The following TASOR variants were observed in gnomAD, a reference collection of about 807,000 sequenced individuals.
TASOR encodes protein TASOR.
In TASOR, 53 loss-of-function variants were observed where a neutral mutation model predicts 178.6. The ratio of observed to expected loss-of-function variants is 0.30; its 90% CI spans 0.24 to 0.37. The LOEUF (loss-of-function observed/expected upper bound fraction) is 0.37, where lower values mean the gene tolerates loss of function less well. Among genes scored for constraint, TASOR ranks in the 10% least tolerant of loss-of-function variants. The probability of loss-of-function intolerance (pLI) is 1.00; values close to 1 mark genes in which losing one functional copy is unlikely to be tolerated. For missense variants in TASOR, 1,815 were observed against 1,971.4 expected (o/e 0.92, Z 1.50); for synonymous variants, 713 against 696.2 (o/e 1.02, Z -0.38).
At chr3:56,625,591 G>A (rs2317245) in intron 21 of TASOR, among the ~76,000 whole-genome samples, 49,092 of 152,100 alleles carry the variant, frequency 0.32, 8,406 homozygotes, top group East Asian at 0.49. Context: ...AGGTTGCAGT[G>A]AGCTGAGACT....
At chr3:56,641,909 G>C (rs1400433407) in intron 14 of TASOR, among the ~76,000 whole-genome samples, 157 bp from the exon 15 acceptor site, 4 of 152,132 alleles carry the variant, frequency 2.6e-5, no homozygotes, top group Non-Finnish European at 4.4e-5. Context: ...TTTACAAAAA[G>C]AATTGTAAAA....
At chr3:56,682,646 G>C (rs1328745159) in intron 1 of TASOR, 30 bp downstream of exon 1, 3 of 1,434,416 alleles carry the variant, frequency 2.1e-6, no homozygotes, top group Non-Finnish European at 2.8e-6. Flanking sequence ...GGGAGAGAGA[G>C]AGGGGGTTGA....
chr3:56,679,196 T>A (rs2031584251), intron 1 of TASOR, among the ~76,000 whole-genome samples: 1 of 152,230 alleles, frequency 6.6e-6, no homozygotes, highest in African/African-American at 2.4e-5. Context: ...TCCATCCATT[T>A]GTTCTTCACA....
intron 2 of TASOR, 115 bp from the exon 3 acceptor site, chr3:56,671,807 C>A: frequency 1.4e-6 from 1 of 703,288 alleles, no homozygotes; most frequent in South Asian, 2.0e-5. Context: ...AAAATAATCT[C>A]TATCTCTCTA....
intron 16 of TASOR, among the ~76,000 whole-genome samples, chr3:56,639,506 T>C (rs992483179): frequency 2.0e-5 from 3 of 152,238 alleles, no homozygotes; most frequent in Non-Finnish European, 4.4e-5. Context: ...TTCTCTAAGA[T>C]AATCCAATTT....
In TASOR at chr3:56,675,312, G is replaced by A. The variant is rs548207689; in HGVS notation, c.332-1587C>T. 1.2e-4 allele frequency among the ~76,000 whole-genome samples: 18 copies of A among 152,046 alleles called. 1 individual carries two copies. The highest frequency in any genetic ancestry group is 2.9e-5 in the Non-Finnish European group (2 of 67,978). Reference sequence around the variant, plus strand: ...CTGCCTCAGTCTTCCAACTAGCTGGGATTACAGATGCCTGCTACCACGCCC... The same window carrying A: ...CTGCCTCAGTCTTCCAACTAGCTGGAATTACAGATGCCTGCTACCACGCCC... On this transcript the variant is annotated intron_variant, in intron 1 of 23. Transcript: ENST00000683822.
In TASOR at chr3:56,646,824, T is replaced by C. The variant is rs1430307819; in HGVS notation, c.1913A>G (p.Tyr638Cys). 2 of 1,611,706 alleles carry C rather than the reference T, an allele frequency of 1.2e-6. No homozygotes were observed. Among genetic ancestry groups the C allele is most frequent in the Non-Finnish European group, 8.5e-7 (1 of 1,179,528 alleles). The change falls in exon 14 of 24, where the codon TAT (tyrosine) becomes TGT (cysteine). Residue 638 changes from tyrosine to cysteine, a missense_variant. Around this residue, in one of 5 missense-constraint regions of TASOR, gnomAD observed 504 missense variants for 645.3 expected, o/e 0.78. Coordinates refer to ENST00000683822, the MANE Select transcript of TASOR (RefSeq NM_001365635.2). ...ATTCATTTCTTCTTCTTGACCTTCA[T>C]AATCTGAAAGTGGACTAAACTGCTG... ...KLQQFSPLSD[Y>C]EGQEEEMNGT...
Position 56,683,073 on chromosome 3 carries a change from G to A in TASOR, c.-67C>T. 1.4e-6 allele frequency: 2 copies of A among 1,423,044 alleles called. No homozygotes were observed. The highest frequency in any genetic ancestry group is 9.2e-7 in the Non-Finnish European group (1 of 1,081,684). 88.2% of individuals were successfully genotyped at this position (1,423,044 alleles called of 1,614,324 possible). On this transcript the variant is annotated 5_prime_UTR_variant, in exon 1 of 24. Coordinates refer to ENST00000683822, the MANE Select transcript of TASOR (RefSeq NM_001365635.2). ...GTCGACGGGTGTGGGGGGAAGGGGC[G>A]GCGGGCCAGTCTCGCCGCCGAGCTG...
chr3:56,649,324 T>C (rs2077301459), intron 11 of TASOR, among the ~76,000 whole-genome samples: 2 of 152,152 alleles, frequency 1.3e-5, no homozygotes, highest in African/African-American at 4.8e-5. Flanking sequence ...CGTTAATTTT[T>C]CCCTGAAGCT....
intron 17 of TASOR, 121 bp from the exon 18 acceptor site, chr3:56,634,087 G>T: frequency 1.3e-6 from 1 of 787,336 alleles, no homozygotes. Context: ...TATATTAGAA[G>T]GTAAAATAAA....
At chr3:56,666,211 TGTA>T in intron 7 of TASOR, 46 bp downstream of exon 7, 1 of 1,428,400 alleles carries the variant, frequency 7.0e-7, no homozygotes, top group East Asian at 2.7e-5. Flanking sequence ...GTACAGGATC[TGTA>T]GTAGAATTAT....
Position 56,683,097 on chromosome 3 carries a change from T to A in TASOR, c.-91A>T. The A allele has an allele frequency of 7.3e-7, 1 of 1,363,024 alleles. No individual in the cohort carries two copies. The highest frequency in any genetic ancestry group is 9.7e-7 in the Non-Finnish European group (1 of 1,029,864). The allele number at this position is 1,363,024 out of a possible 1,614,324, so 84.4% of individuals were successfully genotyped here. On this transcript the variant is annotated 5_prime_UTR_variant, in exon 1 of 24. Transcript: ENST00000683822. ...CGGCGGGCCAGTCTCGCCGCCGAGC[T>A]GCTCTCAGCCCACCCACCCCCTTCC...
At chr3:56,623,909 C>G in intron 23 of TASOR, 1 of 1,307,206 alleles carries the variant, frequency 7.6e-7, no homozygotes, top group East Asian at 2.6e-5. Flanking sequence ...TGACATCTAG[C>G]TTCACTGGAT....
chr3:56,663,401 C>T (rs1315248504), intron 8 of TASOR, 140 bp downstream of exon 8: 1 of 404,892 alleles, frequency 2.5e-6, no homozygotes, highest in African/African-American at 2.1e-5. Flanking sequence ...CTTGGACAAC[C>T]AAATGCGCTG....
intron 8 of TASOR, among the ~76,000 whole-genome samples, chr3:56,662,974 T>C (rs970663950): frequency 6.6e-6 from 1 of 151,862 alleles, no homozygotes; most frequent in African/African-American, 2.4e-5. Context: ...AGGTTAGGAG[T>C]TCGAGACCAG....
chr3:56,638,502 C>T (rs2077060675), intron 17 of TASOR, among the ~76,000 whole-genome samples: 1 of 152,038 alleles, frequency 6.6e-6, no homozygotes, highest in South Asian at 2.1e-4. Flanking sequence ...TATAAATATT[C>T]GGTGACTTAT....
Position 56,633,539 on chromosome 3 carries a change from C to G in TASOR, c.3252G>C (p.Lys1084Asn). The G allele has an allele frequency of 1.2e-6, 2 of 1,614,148 alleles. No homozygotes were observed. Among genetic ancestry groups the G allele is most frequent in the Non-Finnish European group, 1.7e-6 (2 of 1,180,040 alleles). Residue 1084 changes from lysine (K) to asparagine (N), a missense_variant, in exon 18 of 24, where the codon AAG (lysine) becomes AAC (asparagine). Physicochemically the swap from Lys to Asn is moderately conservative, Grantham distance 94. Around this residue, in one of 5 missense-constraint regions of TASOR, gnomAD observed 655 missense variants for 671.1 expected, o/e 0.98. Coordinates refer to ENST00000683822, the MANE Select transcript of TASOR (RefSeq NM_001365635.2). ...ATGCTTTAATAATAATAGTATTTAG[C>G]TTCTCATGCAAACCATCTACAAACT... Reference protein sequence around the residue: ...VQEFVDGLHEKLNTIIIKASA... With the variant: ...VQEFVDGLHENLNTIIIKASA...
intron 1 of TASOR, among the ~76,000 whole-genome samples, chr3:56,674,953 G>C (rs1489424478): frequency 6.6e-6 from 1 of 152,030 alleles, no homozygotes; most frequent in Non-Finnish European, 1.5e-5. Context: ...CAAGTAGCTG[G>C]GACTACAGGC....
chr3:56,627,216 G>T, intron 20 of TASOR, 71 bp from the exon 21 acceptor site: 1 of 923,580 alleles, frequency 1.1e-6, no homozygotes, highest in Non-Finnish European at 1.7e-6. Context: ...TGAAAGAAGT[G>T]TTTTTTCATA....
Sources: allele counts gnomAD v4.1 joint callset (sites outside exome capture counted in the v4.1 genomes callset), GRCh38; gene constraint gnomAD v4.1.1; regional missense constraint gnomAD v4.1.1; transcripts MANE v1.5; gene names NCBI Gene and HGNC (gene_info 2026-07-23, HGNC 2026-07-21).